TIMP2: variants seen among roughly 807,000 people sequenced by gnomAD.
TIMP2 encodes metalloproteinase inhibitor 2.
Under a neutral mutation model 24.3 loss-of-function variants are expected in TIMP2, and 5 were observed. That is an observed-to-expected ratio of 0.21 (90% CI 0.11 to 0.43). The LOEUF (loss-of-function observed/expected upper bound fraction) is 0.43. Among genes scored for constraint, TIMP2 ranks in the 20% least tolerant of loss-of-function variants. The pLI is 1.00. For missense variants in TIMP2, 221 were observed against 297.5 expected (o/e 0.74, Z 1.89); for synonymous variants, 130 against 123.2 (o/e 1.06, Z -0.37).
intron 1 of TIMP2, chr17:78,897,969 C>G (rs2070029563): frequency 6.6e-6 from 1 of 152,168 alleles, no homozygotes; most frequent in Admixed American, 6.5e-5. Context: ...CTCCATCATT[C>G]AGGAATTGAT....
chr17:78,890,566 T>C lies in TIMP2; in HGVS notation c.131-16647A>G, dbSNP rs560375438. ...TGAGGCAATGACGCAAACACAGATC[T>C]TAGAGACCCGGGTACCAGTGCTGGC... On this transcript the variant is annotated intron_variant, in intron 1 of 4. Coordinates refer to ENST00000262768, the MANE Select transcript of TIMP2 (RefSeq NM_003255.5). 823 of 1,465,056 alleles carry C rather than the reference T, an allele frequency of 5.6e-4. 2 individuals are homozygous for C. Among genetic ancestry groups the C allele is most frequent in the Middle Eastern group, 3.1e-3 (17 of 5,536 alleles). The allele number at this position is 1,465,056 out of a possible 1,614,324, so 90.8% of individuals were successfully genotyped here.
rs536273118 is a variant in TIMP2, at chr17:78,920,990, A to G, written c.130+3969T>C. 7.8e-4 allele frequency among the ~76,000 whole-genome samples: 119 copies of G among 152,304 alleles called. 2 individuals carry two copies. In the South Asian group the frequency reaches 0.024, roughly 31 times the overall value. ...CCAATATGAAAATCAAGATGAACAA[A>G]ACTGACAATACAGATCGATCACATA... On this transcript the variant is annotated intron_variant, in intron 1 of 4. Coordinates refer to ENST00000262768, the MANE Select transcript of TIMP2 (RefSeq NM_003255.5). This position sits in a 1 kb window ranked among gnomAD's most constrained non-coding sequence, Gnocchi z 4.5.
intron 1 of TIMP2, among the ~76,000 whole-genome samples, chr17:78,878,337 C>T (rs1454566055): frequency 2.6e-5 from 4 of 152,198 alleles, no homozygotes; most frequent in African/African-American, 9.7e-5. Context: ...TGACAACAGT[C>T]TTGACACTTC....
At chr17:78,874,280 CT>C (rs2069710444) in intron 1 of TIMP2, 2 of 101,992 alleles carry the variant, frequency 2.0e-5, no homozygotes, top group Admixed American at 2.0e-4. Flanking sequence ...TGCTTGAGTG[CT>C]TTTGGCTTTT....
rs184506033 is a variant in TIMP2, at chr17:78,910,261, C to T, written c.130+14698G>A. Among the ~76,000 whole-genome samples, 1,179 of 151,226 alleles carry T rather than the reference C, an allele frequency of 7.8e-3. 14 individuals are homozygous for T. The highest frequency in any genetic ancestry group is 0.027 in the African/African-American group (1,123 of 41,108). On this transcript the variant is annotated intron_variant, in intron 1 of 4. Coordinates refer to ENST00000262768, the MANE Select transcript of TIMP2 (RefSeq NM_003255.5). ...AGGCTAGAGTGTGGTGGCGTGATCT[C>T]GGCTCGCTGCAACCTCCACCTCCCG...
At chr17:78,894,151 G>A (rs1227802276) in intron 1 of TIMP2, among the ~76,000 whole-genome samples, 3 of 152,010 alleles carry the variant, frequency 2.0e-5, no homozygotes, top group Non-Finnish European at 4.4e-5. Flanking sequence ...GCATGTATCC[G>A]TTCATCTTTT....
rs745504212 is a variant in TIMP2 at position 78,860,275 on chromosome 17, G to A, written c.341-2629C>T. On this transcript the variant is annotated intron_variant, in intron 3 of 4. Transcript: ENST00000262768. The stretch of plus-strand genomic sequence containing the variant: ...ACAGGTGTCAGTGATGAGCACCCAC[G>A]CCTGGCAGAGACTGATGGGCAATTC... Among the ~76,000 whole-genome samples, 123 of 152,300 alleles carry A rather than the reference G, an allele frequency of 8.1e-4. 2 individuals are homozygous for A. The highest frequency in any genetic ancestry group is 7.4e-4 in the Non-Finnish European group (50 of 68,026).
At chr17:78,897,046 A>G in intron 1 of TIMP2, 1 of 974,142 alleles carries the variant, frequency 1.0e-6, no homozygotes, top group Admixed American at 6.1e-5. Context: ...GACCTCACCC[A>G]GGGACCCTCC....
At chr17:78,919,025 T>C (rs2070287672) in intron 1 of TIMP2, among the ~76,000 whole-genome samples, 1 of 152,098 alleles carries the variant, frequency 6.6e-6, no homozygotes, top group African/African-American at 2.4e-5. Context: ...TCTGAATCCA[T>C]ATGCTAACTA....
Position 78,855,336 on chromosome 17 carries a change from C to A in TIMP2, c.*331G>T. On this transcript the variant is annotated 3_prime_UTR_variant, in exon 5 of 5. Transcript: ENST00000262768. This position sits in a 1 kb window ranked among gnomAD's most constrained non-coding sequence, Gnocchi z 6.0. ...CTGCCCTAACCCAGCTGGGAGATCC[C>A]TAAGTGCTGCCTGCTTGGCATCTGT... is the stretch of plus-strand genomic sequence containing the variant. 1 of 395,956 alleles carries A rather than the reference C, an allele frequency of 2.5e-6. No homozygotes were observed. 24.5% of individuals were successfully genotyped at this position (395,956 alleles called of 1,614,324 possible).
At chr17:78,875,573 T>C (rs894457448) in intron 1 of TIMP2, among the ~76,000 whole-genome samples, 2 of 152,134 alleles carry the variant, frequency 1.3e-5, no homozygotes, top group African/African-American at 4.8e-5. Context: ...GTTGGTGACA[T>C]GGTCTGTTTT....
chr17:78,908,703 A>G (rs2070182139), intron 1 of TIMP2, among the ~76,000 whole-genome samples: 1 of 152,232 alleles, frequency 6.6e-6, no homozygotes, highest in Non-Finnish European at 1.5e-5. Context: ...AGCCCTCGAC[A>G]GTATTTTTAT....
chr17:78,912,749 G>A (rs925405715), intron 1 of TIMP2, among the ~76,000 whole-genome samples: 1 of 152,184 alleles, frequency 6.6e-6, no homozygotes, highest in African/African-American at 2.4e-5. Flanking sequence ...GATGACTTAG[G>A]CTGGGGATCC....
intron 2 of TIMP2, among the ~76,000 whole-genome samples, chr17:78,873,284 C>T (rs1420772154): frequency 6.8e-6 from 1 of 147,112 alleles, no homozygotes; most frequent in Non-Finnish European, 1.5e-5. Context: ...CCCTGCCCTC[C>T]CTGCCCTCCC....
At chr17:78,915,901 T>C (rs960921063) in intron 1 of TIMP2, among the ~76,000 whole-genome samples, 2 of 152,202 alleles carry the variant, frequency 1.3e-5, no homozygotes, top group Non-Finnish European at 2.9e-5. Flanking sequence ...TGTGCCTCCG[T>C]TGGATCGTCT....
At chr17:78,923,380 T>C (rs1409165912) in intron 1 of TIMP2, among the ~76,000 whole-genome samples, 1 of 23,538 alleles carries the variant, frequency 4.2e-5, no homozygotes, top group Non-Finnish European at 8.2e-5. Flanking sequence ...CTGAGGAGTG[T>C]GTGTGTGGGG....
Position 78,920,235 on chromosome 17 carries a change from C to A in TIMP2, c.130+4724G>T, listed in dbSNP as rs2070299035. On this transcript the variant is annotated intron_variant, in intron 1 of 4. Coordinates refer to ENST00000262768, the MANE Select transcript of TIMP2 (RefSeq NM_003255.5). The surrounding 1 kb of genome is among the most constrained non-coding windows in gnomAD (Gnocchi z 4.5). ...TCGCCACAGAGTCTGAACCTCTCAGCCCACACCAGTGGCATCTACCTAGCA... is the reference window on the plus strand; with the variant it reads ...TCGCCACAGAGTCTGAACCTCTCAGACCACACCAGTGGCATCTACCTAGCA... 6.6e-6 allele frequency among the ~76,000 whole-genome samples: 1 copy of A among 152,202 alleles called. No individual in the cohort carries two copies. Among genetic ancestry groups the A allele is most frequent in the Non-Finnish European group, 1.5e-5 (1 of 68,034 alleles).
intron 2 of TIMP2, 126 bp downstream of exon 2, chr17:78,873,693 G>T: frequency 1.5e-6 from 1 of 678,410 alleles, no homozygotes; most frequent in Non-Finnish European, 2.5e-6. Flanking sequence ...GCAGCTTGAT[G>T]ACCTCATCCT....
chr17:78,871,278 C>G (rs1313297986), intron 2 of TIMP2, among the ~76,000 whole-genome samples: 2 of 151,492 alleles, frequency 1.3e-5, no homozygotes, highest in Non-Finnish European at 2.9e-5. Context: ...GTAGCAAAAC[C>G]CTGTTTCTAC....
Sources: allele counts gnomAD v4.1 joint callset (sites outside exome capture counted in the v4.1 genomes callset), GRCh38; gene constraint gnomAD v4.1.1; non-coding constraint Gnocchi (gnomAD v3.1); transcripts MANE v1.5; gene names NCBI Gene and HGNC (gene_info 2026-07-23, HGNC 2026-07-21).